CCSER1: variants seen among roughly 807,000 people sequenced by gnomAD.
CCSER1 encodes the protein serine-rich coiled-coil domain-containing protein 1.
Under a neutral mutation model 82.0 loss-of-function variants are expected in CCSER1, and 41 were observed. That is an observed-to-expected ratio of 0.50 (90% CI 0.39 to 0.65). The LOEUF is 0.65. CCSER1 is among the 30% of genes least tolerant of loss of function. The probability of loss-of-function intolerance (pLI) is 0.00; values close to 1 mark genes in which losing one functional copy is unlikely to be tolerated. For synonymous variants in CCSER1, 414 were observed against 383.9 expected (o/e 1.08, Z -0.92); for missense variants, 1,119 against 1,064.2 (o/e 1.05, Z -0.72).
chr4:90,732,286 G>T (rs1283586192), intron 7 of CCSER1, among the ~76,000 whole-genome samples: 1 of 152,110 alleles, frequency 6.6e-6, no homozygotes, highest in African/African-American at 2.4e-5. Flanking sequence ...TATTGATTTA[G>T]CAGTTCCAGA....
At chr4:91,355,099 AG>A (rs1376219145) in intron 10 of CCSER1, among the ~76,000 whole-genome samples, 2 of 152,198 alleles carry the variant, frequency 1.3e-5, no homozygotes, top group Admixed American at 1.3e-4. Flanking sequence ...TTTCCTTTGC[AG>A]AGCCAAACAA....
chr4:91,534,584 G>A (rs1365374981), intron 10 of CCSER1, among the ~76,000 whole-genome samples: 1 of 151,922 alleles, frequency 6.6e-6, no homozygotes, highest in Non-Finnish European at 1.5e-5. Context: ...TTTGGAAAAT[G>A]TAAACATTCT....
At chr4:90,856,402 TCTTGA>T (rs1180067936) in intron 8 of CCSER1, among the ~76,000 whole-genome samples, 2 of 152,170 alleles carry the variant, frequency 1.3e-5, no homozygotes, top group African/African-American at 4.8e-5. Flanking sequence ...TAACTTGACA[TCTTGA>T]CTTTATATTC....
intron 6 of CCSER1, among the ~76,000 whole-genome samples, chr4:90,684,024 A>C (rs569853037): frequency 5.9e-5 from 9 of 152,146 alleles, no homozygotes; most frequent in Non-Finnish European, 1.0e-4. Context: ...TTTTGTTTGT[A>C]CTCTAGAGAA....
intron 1 of CCSER1, among the ~76,000 whole-genome samples, chr4:90,296,651 TC>T (rs1331782176): frequency 6.6e-6 from 1 of 152,140 alleles, no homozygotes; most frequent in African/African-American, 2.4e-5. Flanking sequence ...CTTTAATCCA[TC>T]TTGGATTAAT....
intron 10 of CCSER1, among the ~76,000 whole-genome samples, chr4:91,087,039 G>GA (rs1225440077): frequency 1.3e-5 from 2 of 151,978 alleles, no homozygotes; most frequent in African/African-American, 4.8e-5. Context: ...TATGACTGGG[G>GA]AAAAAAGGCA....
intron 10 of CCSER1, among the ~76,000 whole-genome samples, chr4:91,562,140 A>G (rs977786494): frequency 6.6e-6 from 1 of 151,526 alleles, no homozygotes; most frequent in Non-Finnish European, 1.5e-5. Context: ...ACATTTTACC[A>G]AAGTTATTTT....
chr4:91,179,644 C>A (rs565221773), intron 10 of CCSER1, among the ~76,000 whole-genome samples: 62 of 152,348 alleles, frequency 4.1e-4, no homozygotes, highest in African/African-American at 1.5e-3. Context: ...CCATGGCTTT[C>A]AGCTCCACGA....
intron 10 of CCSER1, among the ~76,000 whole-genome samples, chr4:91,173,593 CAAAAAAAAAA>C (rs55747744): frequency 9.6e-5 from 10 of 104,682 alleles, no homozygotes; most frequent in East Asian, 2.8e-4. Flanking sequence ...GACTCCGTCT[CAAAAAAAAAA>C]AAAAAAAAAA....
chr4:90,299,210 A>C (rs1204316754), intron 1 of CCSER1, among the ~76,000 whole-genome samples: 1 of 152,018 alleles, frequency 6.6e-6, no homozygotes, highest in African/African-American at 2.4e-5. Context: ...TTGTCATGCT[A>C]CTTGCACACC....
chr4:91,502,540 A>G (rs1578637182), intron 10 of CCSER1, among the ~76,000 whole-genome samples: 1 of 152,286 alleles, frequency 6.6e-6, no homozygotes, highest in Middle Eastern at 3.4e-3. Flanking sequence ...AATCCTATGA[A>G]GTACTCCATT....
rs1264292488 is a variant in CCSER1 at position 90,673,455 on chromosome 4, C to T, written c.1932+45223C>T. On this transcript the variant is annotated intron_variant, in intron 6 of 10. Coordinates refer to ENST00000509176, the MANE Select transcript of CCSER1 (RefSeq NM_001145065.2). ...TATAAAGCACATCCCATTTGTTGGGCGGCCACTTATCCCCAAACTTAAAAT... is the reference window on the plus strand; with the variant it reads ...TATAAAGCACATCCCATTTGTTGGGTGGCCACTTATCCCCAAACTTAAAAT... 2.0e-5 allele frequency among the ~76,000 whole-genome samples: 3 copies of T among 151,898 alleles called. No individual in the cohort carries two copies. In the South Asian group the frequency reaches 6.2e-4, roughly 31 times the overall value.
chr4:90,409,642 G>A (rs1754364914), intron 4 of CCSER1, among the ~76,000 whole-genome samples: 1 of 152,100 alleles, frequency 6.6e-6, no homozygotes, highest in Admixed American at 6.5e-5. Context: ...ACTAAACATG[G>A]AAAGGAACAA....
At chr4:90,376,042 G>A (rs1748251793) in intron 3 of CCSER1, among the ~76,000 whole-genome samples, 1 of 152,152 alleles carries the variant, frequency 6.6e-6, no homozygotes, top group Non-Finnish European at 1.5e-5. Flanking sequence ...ATTTTGTGTA[G>A]ATGCCAGGAA....
intron 6 of CCSER1, chr4:90,693,648 A>C (rs923179297): frequency 6.6e-6 from 1 of 151,964 alleles, no homozygotes; most frequent in Non-Finnish European, 1.5e-5. Context: ...CAGATTATAT[A>C]ATTTGGTTCT....
At chr4:90,664,787 T>G (rs1731423364) in intron 6 of CCSER1, among the ~76,000 whole-genome samples, 1 of 151,918 alleles carries the variant, frequency 6.6e-6, no homozygotes, top group Non-Finnish European at 1.5e-5. Flanking sequence ...GTAATCCCAG[T>G]GACTCGGGAG....
chr4:90,474,463 A>G (rs1764800138), intron 5 of CCSER1, among the ~76,000 whole-genome samples: 1 of 152,226 alleles, frequency 6.6e-6, no homozygotes, highest in African/African-American at 2.4e-5. Context: ...TGTTTGTTAT[A>G]GAGAACGAAT....
At chr4:90,135,346 A>G (rs1723478951) in intron 1 of CCSER1, among the ~76,000 whole-genome samples, 1 of 152,082 alleles carries the variant, frequency 6.6e-6, no homozygotes, top group Non-Finnish European at 1.5e-5. Flanking sequence ...CCCCCTTTGA[A>G]AAAAAACAAC....
rs543032318 is a variant in CCSER1, at chr4:90,447,302, A to C, written c.1604-20932A>C. On this transcript the variant is annotated intron_variant, in intron 4 of 10. Transcript: ENST00000509176. Reference sequence around the variant, plus strand: ...TGTAGTGGTGCAAAAAGTAGACACCAAATACGTGAGAGAAAATTTACTTGT... The same window carrying C: ...TGTAGTGGTGCAAAAAGTAGACACCCAATACGTGAGAGAAAATTTACTTGT... Among the ~76,000 whole-genome samples the C allele has an allele frequency of 1.7e-4, 26 of 152,266 alleles. No individual in the cohort carries two copies. In the East Asian group the frequency reaches 2.7e-3, roughly 16 times the overall value.
Sources: gnomAD v4.1 joint callset for allele counts (sites outside exome capture counted in the v4.1 genomes callset) on GRCh38, gnomAD v4.1.1 for gene constraint, MANE v1.5 for transcripts, NCBI Gene and HGNC (gene_info 2026-07-23, HGNC 2026-07-21) for gene names.